The following SYT9 variants were observed in gnomAD, a reference collection of about 807,000 sequenced individuals.
SYT9 encodes the protein synaptotagmin-9.
Under a neutral mutation model 48.4 loss-of-function variants are expected in SYT9, and 22 were observed. That is an observed-to-expected ratio of 0.45 (90% CI 0.32 to 0.65). SYT9 has a LOEUF of 0.65. Ranked by LOEUF, SYT9 falls within the 30% of genes least tolerant of loss-of-function variation. The pLI is 0.03. For synonymous variants in SYT9, 265 were observed against 245.0 expected (o/e 1.08, Z -0.76); for missense variants, 577 against 622.0 (o/e 0.93, Z 0.77).
chr11:7,465,329 C>A (rs1848312080), intron 6 of SYT9, among the ~76,000 whole-genome samples: 1 of 152,166 alleles, frequency 6.6e-6, no homozygotes. Flanking sequence ...TTAATACTTT[C>A]CTTAAGTAAG....
At chr11:7,462,794 C>T (rs900450960) in intron 6 of SYT9, among the ~76,000 whole-genome samples, 24 of 152,258 alleles carry the variant, frequency 1.6e-4, no homozygotes, top group African/African-American at 5.8e-4. Context: ...CTTCTTAGTT[C>T]AGAGCCCTTA....
intron 3 of SYT9, among the ~76,000 whole-genome samples, chr11:7,400,921 A>T (rs1469566015): frequency 6.6e-6 from 1 of 152,180 alleles, no homozygotes; most frequent in Non-Finnish European, 1.5e-5. Flanking sequence ...TCTGTTGTTT[A>T]ACAGCTGATA....
intron 6 of SYT9, among the ~76,000 whole-genome samples, chr11:7,436,816 G>A (rs1847720264): frequency 6.6e-6 from 1 of 152,260 alleles, no homozygotes; most frequent in Non-Finnish European, 1.5e-5. Context: ...CAGCTGTGCT[G>A]TTGTTACTAG....
intron 6 of SYT9, chr11:7,428,071 T>C (rs1847499137): frequency 6.6e-6 from 1 of 152,236 alleles, no homozygotes; most frequent in Non-Finnish European, 1.5e-5. Flanking sequence ...AGAGAGACGG[T>C]AGGCATTTTC....
upstream of SYT9, among the ~76,000 whole-genome samples, chr11:7,250,449 C>T (rs1194721466): frequency 3.7e-5 from 4 of 108,744 alleles, no homozygotes; most frequent in Admixed American, 1.7e-4. Context: ...GTCCCCCCCG[C>T]CACCCCCCCC....
intron 3 of SYT9, among the ~76,000 whole-genome samples, chr11:7,317,804 A>T (rs1473239217): frequency 6.6e-6 from 1 of 152,152 alleles, no homozygotes; most frequent in Non-Finnish European, 1.5e-5. Context: ...TCTCTTTTCT[A>T]TCCACTGGGA....
At chr11:7,404,305 T>C (rs981219897) in intron 3 of SYT9, among the ~76,000 whole-genome samples, 1 of 152,184 alleles carries the variant, frequency 6.6e-6, no homozygotes, top group East Asian at 1.9e-4. Flanking sequence ...ATTATTGGGA[T>C]AGTTTAGTTT....
At chr11:7,312,779 A>G (rs1228833677) in intron 2 of SYT9, among the ~76,000 whole-genome samples, 1 of 152,240 alleles carries the variant, frequency 6.6e-6, no homozygotes, top group Non-Finnish European at 1.5e-5. Context: ...CAGCAAAAGC[A>G]CAATCCCAAT....
intron 3 of SYT9, among the ~76,000 whole-genome samples, chr11:7,364,306 A>C (rs931379): frequency 1.3e-5 from 2 of 152,054 alleles, no homozygotes; most frequent in Non-Finnish European, 2.9e-5. Context: ...TGTTTTCTAC[A>C]TGAAGTCAGA....
intron 1 of SYT9, among the ~76,000 whole-genome samples, chr11:7,274,577 G>A (rs888507123): frequency 1.3e-5 from 2 of 152,056 alleles, no homozygotes; most frequent in Non-Finnish European, 2.9e-5. Flanking sequence ...CTCAGCCTCA[G>A]GAAGTGTTGG....
At chr11:7,378,478 A>G (rs1366397473) in intron 3 of SYT9, among the ~76,000 whole-genome samples, 1 of 152,064 alleles carries the variant, frequency 6.6e-6, no homozygotes, top group East Asian at 1.9e-4. Context: ...ATCAGCACAC[A>G]TTTTACAGTT....
intron 3 of SYT9, among the ~76,000 whole-genome samples, chr11:7,326,652 A>G (rs1377012444): frequency 2.1e-5 from 3 of 140,728 alleles, no homozygotes; most frequent in Non-Finnish European, 4.6e-5. Flanking sequence ...GAGGCATCAC[A>G]CTACCTGACT....
chr11:7,455,738 G>T (rs1031510458), intron 6 of SYT9, among the ~76,000 whole-genome samples: 22 of 152,206 alleles, frequency 1.4e-4, no homozygotes, highest in African/African-American at 5.1e-4. Context: ...CTGGGAAAGG[G>T]GTGAAGGCCC....
chr11:7,337,108 T>C (rs1196647566), intron 3 of SYT9, among the ~76,000 whole-genome samples: 1 of 152,162 alleles, frequency 6.6e-6, no homozygotes, highest in Admixed American at 6.5e-5. Flanking sequence ...TTTGTGACAA[T>C]TGTGAATGGG....
intron 3 of SYT9, among the ~76,000 whole-genome samples, chr11:7,368,046 C>G (rs2134025673): frequency 6.6e-6 from 1 of 152,274 alleles, no homozygotes; most frequent in East Asian, 1.9e-4. Context: ...GAGTGGCAGA[C>G]CCTGCAATCT....
At chr11:7,240,999 G>A (rs1043149552) in intron 1 of SYT9, among the ~76,000 whole-genome samples, 1 of 152,170 alleles carries the variant, frequency 6.6e-6, no homozygotes, top group Non-Finnish European at 1.5e-5. Flanking sequence ...TGACAAACCT[G>A]AGGAATTCTA....
intron 3 of SYT9, among the ~76,000 whole-genome samples, chr11:7,369,866 A>G (rs988540921): frequency 2.6e-5 from 4 of 151,396 alleles, no homozygotes; most frequent in African/African-American, 9.7e-5. Flanking sequence ...AAAAATTTGC[A>G]GTTCTTTTTT....
intron 6 of SYT9, chr11:7,456,858 G>T (rs1278026807): frequency 1.3e-5 from 2 of 152,118 alleles, no homozygotes; most frequent in Non-Finnish European, 2.9e-5. Context: ...ATCTGTCAAG[G>T]CAAGAGGGGT....
intron 3 of SYT9, among the ~76,000 whole-genome samples, chr11:7,363,775 A>G (rs954051381): frequency 6.6e-6 from 1 of 152,198 alleles, no homozygotes; most frequent in Non-Finnish European, 1.5e-5. Context: ...GATCATTTAT[A>G]ACAGATACCA....
Sources: gnomAD v4.1 joint callset for allele counts (sites outside exome capture counted in the v4.1 genomes callset) on GRCh38, gnomAD v4.1.1 for gene constraint, MANE v1.5 for transcripts, NCBI Gene and HGNC (gene_info 2026-07-23, HGNC 2026-07-21) for gene names.